The following ZNF429 variants were observed in gnomAD, a reference collection of about 807,000 sequenced individuals.
ZNF429 encodes zinc finger protein 429.
A neutral mutation model predicts 56.8 loss-of-function variants in ZNF429; 53 were observed. The ratio of observed to expected loss-of-function variants is 0.93; its 90% CI spans 0.75 to 1.17. The LOEUF (loss-of-function observed/expected upper bound fraction) is 1.17, where lower values mean the gene tolerates loss of function less well. Among genes scored for constraint, ZNF429 ranks in the 50% most tolerant of loss-of-function variants. The pLI is 0.00. For missense variants in ZNF429, 849 were observed against 788.4 expected (o/e 1.08, Z -0.92); for synonymous variants, 278 against 264.7 (o/e 1.05, Z -0.49).
At chr19:21,510,097 C>T (rs545517143) in intron 1 of ZNF429, among the ~76,000 whole-genome samples, 3 of 151,986 alleles carry the variant, frequency 2.0e-5, no homozygotes, top group South Asian at 4.2e-4. Flanking sequence ...TTAGTAGAGG[C>T]GGGGTTTCAC....
rs1278201177 is a variant in ZNF429, at chr19:21,537,597, G to C, written c.1544G>C (p.Gly515Ala). 1.9e-6 allele frequency: 3 copies of C among 1,613,110 alleles called. No individual in the cohort carries two copies. Among genetic ancestry groups the C allele is most frequent in the Non-Finnish European group, 2.5e-6 (3 of 1,179,818 alleles). Residue 515 changes from glycine (G) to alanine (A), a missense_variant, in exon 4 of 4, where the codon GGC becomes GCC. Transcript: ENST00000358491. ...GEKPYKCEEC[G>A]KAFILSSRLT... ...AAACCCTACAAATGTGAAGAATGTG[G>C]CAAAGCTTTTATCCTGTCCTCAAGA... is the stretch of plus-strand genomic sequence containing the variant.
At chr19:21,516,727 G>T (rs796226069) in intron 1 of ZNF429, among the ~76,000 whole-genome samples, 1 of 152,014 alleles carries the variant, frequency 6.6e-6, no homozygotes, top group African/African-American at 2.4e-5. Context: ...TTATGTTTTT[G>T]ATTTGGTTTT....
At position 21,540,231 on chromosome 19, in the gene ZNF429, C is replaced by T. The variant is rs1406532643; in HGVS notation, c.*2153C>T. 1.3e-5 allele frequency among the ~76,000 whole-genome samples: 2 copies of T among 152,000 alleles called. No homozygotes were observed. The highest frequency in any genetic ancestry group is 3.9e-4 in the East Asian group (2 of 5,194). The stretch of plus-strand genomic sequence containing the variant: ...ATTATGCTATCAACTTTAACCTATC[C>T]CACGTTACTCAAGGGTGTAGCTAAA... On this transcript the variant is annotated 3_prime_UTR_variant, in exon 4 of 4. Coordinates refer to ENST00000358491, the MANE Select transcript of ZNF429 (RefSeq NM_001001415.4).
intron 3 of ZNF429, among the ~76,000 whole-genome samples, chr19:21,534,655 C>T: frequency 6.6e-6 from 1 of 152,152 alleles, no homozygotes; most frequent in South Asian, 2.1e-4. Flanking sequence ...AAGGCATGAC[C>T]CACTGTACCC....
At chr19:21,517,935 G>A (rs946641747) in intron 1 of ZNF429, among the ~76,000 whole-genome samples, 2 of 151,208 alleles carry the variant, frequency 1.3e-5, no homozygotes, top group Admixed American at 1.3e-4. Context: ...ATGGGACTAC[G>A]GGCACCCGCC....
Position 21,532,698 on chromosome 19 carries a change from ATT to A in ZNF429, c.226+2029_226+2030del. The stretch of plus-strand genomic sequence containing the variant: ...ACAGAAGATGCCTCTATGTGAGAGG[ATT>A]TTTTTTTTTTTTTTGGAGACGGTGG... On this transcript the variant is annotated intron_variant, in intron 3 of 3. Transcript: ENST00000358491. 3.5e-3 allele frequency among the ~76,000 whole-genome samples: 510 copies of A among 144,234 alleles called. 2 individuals are homozygous for A. The highest frequency in any genetic ancestry group is 7.5e-3 in the Middle Eastern group (2 of 268). 94.6% of individuals were successfully genotyped at this position (144,234 alleles called of 152,430 possible). A position where few individuals can be genotyped will look rare whatever the true frequency, so the allele number is the denominator to read the frequency against.
At chr19:21,522,555 C>CT (rs1303613385) in intron 1 of ZNF429, among the ~76,000 whole-genome samples, 1 of 152,140 alleles carries the variant, frequency 6.6e-6, no homozygotes, top group Non-Finnish European at 1.5e-5. Flanking sequence ...GCCAGCCAGG[C>CT]TTTACTCTAG....
At chr19:21,506,465 G>T (rs572936484) in intron 1 of ZNF429, among the ~76,000 whole-genome samples, 2 of 150,462 alleles carry the variant, frequency 1.3e-5, no homozygotes, top group Non-Finnish European at 3.0e-5. Flanking sequence ...AAAAAAAGGG[G>T]AGTCACTGCA....
chr19:21,516,039 T>G (rs553054448), intron 1 of ZNF429, among the ~76,000 whole-genome samples: 1 of 152,006 alleles, frequency 6.6e-6, no homozygotes, highest in East Asian at 1.9e-4. Flanking sequence ...CCAGCTTTGT[T>G]TTTTGTTTTT....
At chr19:21,513,570 A>G (rs1568413723) in intron 1 of ZNF429, among the ~76,000 whole-genome samples, 2 of 152,168 alleles carry the variant, frequency 1.3e-5, no homozygotes, top group East Asian at 3.9e-4. Context: ...CCAAATTCAA[A>G]TGTTAGACAT....
At chr19:21,526,726 A>G (rs1230107094) in intron 1 of ZNF429, among the ~76,000 whole-genome samples, 1 of 152,022 alleles carries the variant, frequency 6.6e-6, no homozygotes, top group African/African-American at 2.4e-5. Flanking sequence ...TTAATAATCA[A>G]TTTTTTTTGT....
rs1168154039 is a variant in ZNF429 at position 21,538,382 on chromosome 19, AC to A, written c.*305del. ...TTTGGGAGGCCGAGGCGGGTGGATC[AC>A]GAGGTCAGGAGTTCAAGACCAGCCT... is the stretch of plus-strand genomic sequence containing the variant. On this transcript the variant is annotated 3_prime_UTR_variant, in exon 4 of 4. Transcript: ENST00000358491. Among the ~76,000 whole-genome samples, 3 of 151,656 alleles carry A rather than the reference AC, an allele frequency of 2.0e-5. No homozygotes were observed. The highest frequency in any genetic ancestry group is 2.9e-5 in the Non-Finnish European group (2 of 67,912).
At chr19:21,535,456 C>A in intron 3 of ZNF429, among the ~76,000 whole-genome samples, 1 of 56,382 alleles carries the variant, frequency 1.8e-5, no homozygotes, top group South Asian at 4.8e-4. Context: ...TTCTTTCTTT[C>A]TTTCTTTCTT....
rs1422865370 is a variant in ZNF429 at position 21,537,550 on chromosome 19, TA to T, written c.1504del (p.Ile502PhefsTer182). On this transcript the variant is annotated frameshift_variant, in exon 4 of 4. Transcript: ENST00000358491. LOFTEE classifies it high-confidence loss of function. Reference protein sequence around the residue: ...FKQSSNLNSHKKIHSGEKPYK... With the variant: ...FKQSSNLNSHXKIHSGEKPYK... ...AGCAGTCCTCAAACCTTAACAGTCATAAAAAAATTCATAGTGGAGAGAAACC... is the reference window on the plus strand; with the variant it reads ...AGCAGTCCTCAAACCTTAACAGTCATAAAAAATTCATAGTGGAGAGAAACC... The T allele has an allele frequency of 3.7e-6, 6 of 1,612,992 alleles. No homozygotes were observed. Among genetic ancestry groups the T allele is most frequent in the Admixed American group, 1.7e-5 (1 of 59,944 alleles).
intron 3 of ZNF429, among the ~76,000 whole-genome samples, chr19:21,535,164 T>G: frequency 6.6e-6 from 1 of 151,558 alleles, no homozygotes; most frequent in African/African-American, 2.4e-5. Context: ...TCATGTATCA[T>G]CCTAATAGTC....
At position 21,537,021 on chromosome 19, in the gene ZNF429, A is replaced by T; in HGVS notation, c.968A>T (p.Asn323Ile). The change falls in exon 4 of 4, where the codon AAC becomes ATC. Residue 323 changes from asparagine to isoleucine, a missense_variant. Transcript: ENST00000358491. ...YKCKECGKAF[N>I]RSSTLTSHKR... ...TGTAAAGAATGTGGCAAAGCCTTTAACCGGTCCTCAACCCTTACTAGCCAT... is the reference window on the plus strand; with the variant it reads ...TGTAAAGAATGTGGCAAAGCCTTTATCCGGTCCTCAACCCTTACTAGCCAT... 1 of 1,613,788 alleles carries T rather than the reference A, an allele frequency of 6.2e-7. No homozygotes were observed. The highest frequency in any genetic ancestry group is 8.5e-7 in the Non-Finnish European group (1 of 1,179,902).
At chr19:21,509,255 T>A (rs1279272264) in intron 1 of ZNF429, among the ~76,000 whole-genome samples, 1 of 152,124 alleles carries the variant, frequency 6.6e-6, no homozygotes, top group Admixed American at 6.6e-5. Flanking sequence ...AATCTGCCCC[T>A]CCTAAAGTGC....
rs552311312 is a variant in ZNF429 at position 21,540,375 on chromosome 19, CT to C, written c.*2304del. 5.3e-5 allele frequency among the ~76,000 whole-genome samples: 8 copies of C among 151,872 alleles called. No homozygotes were observed. Among genetic ancestry groups the C allele is most frequent in the African/African-American group, 1.4e-4 (6 of 41,464 alleles). The stretch of plus-strand genomic sequence containing the variant: ...TGTTCCCATAGGTTAAATATTTATC[CT>C]TTTTTTGATATTTAAATTTTTTTCT... On this transcript the variant is annotated 3_prime_UTR_variant, in exon 4 of 4. Coordinates refer to ENST00000358491, the MANE Select transcript of ZNF429 (RefSeq NM_001001415.4).
intron 1 of ZNF429, among the ~76,000 whole-genome samples, chr19:21,518,399 TG>T (rs1568417409): frequency 4.5e-5 from 1 of 22,056 alleles, no homozygotes; most frequent in Non-Finnish European, 9.9e-5. Flanking sequence ...GGAGAGATTC[TG>T]GTGGTGTGTT....
Sources: allele counts gnomAD v4.1 joint callset (sites outside exome capture counted in the v4.1 genomes callset), GRCh38; gene constraint gnomAD v4.1.1; transcripts MANE v1.5; gene names NCBI Gene and HGNC (gene_info 2026-07-23, HGNC 2026-07-21).